The following KCNMB4 variants were observed in gnomAD, a reference collection of about 807,000 sequenced individuals.
The protein encoded by KCNMB4 is calcium-activated potassium channel subunit beta-4.
A neutral mutation model predicts 20.7 loss-of-function variants in KCNMB4; 3 were observed. That is an observed-to-expected ratio of 0.14 (90% CI 0.07 to 0.37). The LOEUF (loss-of-function observed/expected upper bound fraction) is 0.37, where lower values mean the gene tolerates loss of function less well. Among genes scored for constraint, KCNMB4 ranks in the 10% least tolerant of loss-of-function variants. The probability of loss-of-function intolerance (pLI) is 1.00; values close to 1 mark genes in which losing one functional copy is unlikely to be tolerated. For synonymous variants in KCNMB4, 110 were observed against 113.4 expected (o/e 0.97, Z 0.19); for missense variants, 168 against 265.9 (o/e 0.63, Z 2.56).
chr12:70,366,647 G>A lies in KCNMB4; in HGVS notation c.-88G>A. On this transcript the variant is annotated 5_prime_UTR_variant, in exon 1 of 3. Coordinates refer to ENST00000258111, the MANE Select transcript of KCNMB4 (RefSeq NM_014505.6). The stretch of plus-strand genomic sequence containing the variant: ...TCGCGCGGCGGCGGCGGTGGCGGCG[G>A]CGGCTCCTCCCGCCCGAGGCAGTCG... 1 of 1,021,836 alleles carries A rather than the reference G, an allele frequency of 9.8e-7. No individual in the cohort carries two copies. The highest frequency in any genetic ancestry group is 1.2e-6 in the Non-Finnish European group (1 of 804,932). The allele number at this position is 1,021,836 out of a possible 1,614,324, so 63.3% of individuals were successfully genotyped here.
In KCNMB4 at chr12:70,366,823, T is replaced by G; in HGVS notation, c.89T>G (p.Val30Gly). The G allele has an allele frequency of 6.2e-7, 1 of 1,612,938 alleles. No homozygotes were observed. The highest frequency in any genetic ancestry group is 1.7e-4 in the Middle Eastern group (1 of 6,060). Reference sequence around the variant, plus strand: ...TTGTTTCTCATCATCTCCGGCGTCGTGTCGCTCTTCATCTTCGGCTTCTGC... The same window carrying G: ...TTGTTTCTCATCATCTCCGGCGTCGGGTCGCTCTTCATCTTCGGCTTCTGC... ...LGLFLIISGV[V>G]SLFIFGFCWL... Residue 30 changes from valine (V) to glycine (G), a missense_variant, in exon 1 of 3, where the codon GTG (valine) becomes GGG (glycine). Val to Gly is a moderately radical substitution (Grantham distance 109). Transcript: ENST00000258111.
intron 1 of KCNMB4, among the ~76,000 whole-genome samples, chr12:70,396,886 G>T (rs1005125476): frequency 6.6e-6 from 1 of 152,118 alleles, no homozygotes; most frequent in African/African-American, 2.4e-5. Flanking sequence ...TTCCAGCACC[G>T]TGCTTTGGAC....
intron 1 of KCNMB4, among the ~76,000 whole-genome samples, chr12:70,383,244 A>G (rs1426877718): frequency 1.3e-5 from 2 of 152,202 alleles, no homozygotes; most frequent in African/African-American, 2.4e-5. Flanking sequence ...ACATCACGTT[A>G]TATACCTTAA....
chr12:70,407,490 T>C (rs1868639603), intron 2 of KCNMB4, among the ~76,000 whole-genome samples: 1 of 106,410 alleles, frequency 9.4e-6, no homozygotes, highest in African/African-American at 3.9e-5. Context: ...TTTTTTGAGA[T>C]GGAGTCTCAC....
chr12:70,412,084 GGAATCTGCA>G (rs1372161237), intron 2 of KCNMB4, among the ~76,000 whole-genome samples: 4 of 152,074 alleles, frequency 2.6e-5, no homozygotes, highest in Non-Finnish European at 5.9e-5. Flanking sequence ...TGAAGGAAGT[GGAATCTGCA>G]GATTTAGAGA....
chr12:70,375,729 T>C (rs1808433040), intron 1 of KCNMB4, among the ~76,000 whole-genome samples: 1 of 152,170 alleles, frequency 6.6e-6, no homozygotes, highest in African/African-American at 2.4e-5. Flanking sequence ...TAGTTCCGTG[T>C]TGGGGTTCAA....
At chr12:70,401,897 C>T (rs1446550261) in intron 2 of KCNMB4, among the ~76,000 whole-genome samples, 1 of 152,082 alleles carries the variant, frequency 6.6e-6, no homozygotes, top group Non-Finnish European at 1.5e-5. Context: ...TGAATAATAT[C>T]ACTTCTGACA....
chr12:70,374,000 A>G (rs1237039729), intron 1 of KCNMB4, among the ~76,000 whole-genome samples: 1 of 152,128 alleles, frequency 6.6e-6, no homozygotes, highest in Non-Finnish European at 1.5e-5. Flanking sequence ...TCTAAAACAA[A>G]AGCAATCTAA....
At chr12:70,371,359 G>A (rs867159134) in intron 1 of KCNMB4, among the ~76,000 whole-genome samples, 3 of 152,160 alleles carry the variant, frequency 2.0e-5, no homozygotes, top group African/African-American at 7.2e-5. Context: ...ACTACAGGGC[G>A]TGGTGGCTCA....
chr12:70,385,310 G>C (rs1426754323), intron 1 of KCNMB4, among the ~76,000 whole-genome samples: 1 of 152,194 alleles, frequency 6.6e-6, no homozygotes, highest in African/African-American at 2.4e-5. Flanking sequence ...ACATCACACA[G>C]TGTTGTGGTG....
chr12:70,400,362 T>A, intron 2 of KCNMB4, 26 bp downstream of exon 2: 3 of 1,592,864 alleles, frequency 1.9e-6, no homozygotes, highest in Non-Finnish European at 2.6e-6. Context: ...CATGTGCGTG[T>A]TAAAATTGTT....
chr12:70,393,247 G>T (rs537760377), intron 1 of KCNMB4, among the ~76,000 whole-genome samples: 5 of 152,088 alleles, frequency 3.3e-5, no homozygotes, highest in Non-Finnish European at 7.4e-5. Flanking sequence ...CTGTCGCCCA[G>T]ACTGGAGTGC....
At chr12:70,376,814 G>A (rs1883695439) in intron 1 of KCNMB4, among the ~76,000 whole-genome samples, 1 of 151,114 alleles carries the variant, frequency 6.6e-6, no homozygotes, top group African/African-American at 2.4e-5. Context: ...TAAGGCTGCA[G>A]TGAGCTGTGA....
intron 2 of KCNMB4, among the ~76,000 whole-genome samples, chr12:70,414,364 A>C (rs1868861904): frequency 6.6e-6 from 1 of 152,218 alleles, no homozygotes; most frequent in Non-Finnish European, 1.5e-5. Context: ...CTATAATCTC[A>C]GTGTGGAGGT....
At chr12:70,418,611 C>T (rs562341484) in intron 2 of KCNMB4, among the ~76,000 whole-genome samples, 20 of 152,172 alleles carry the variant, frequency 1.3e-4, no homozygotes, top group African/African-American at 3.9e-4. Context: ...AACTTTGCTC[C>T]GTGATTAATC....
intron 2 of KCNMB4, among the ~76,000 whole-genome samples, chr12:70,404,639 C>A (rs1868546009): frequency 6.6e-6 from 1 of 152,112 alleles, no homozygotes; most frequent in African/African-American, 2.4e-5. Flanking sequence ...AAAGTAGCAA[C>A]AAGGATTATA....
chr12:70,429,388 C>T (rs1366221356), intron 2 of KCNMB4, among the ~76,000 whole-genome samples: 1 of 152,062 alleles, frequency 6.6e-6, no homozygotes, highest in African/African-American at 2.4e-5. Flanking sequence ...AAATTCCGGC[C>T]GGGTGCGGTG....
At chr12:70,404,200 A>G (rs1477991974) in intron 2 of KCNMB4, among the ~76,000 whole-genome samples, 3 of 152,204 alleles carry the variant, frequency 2.0e-5, no homozygotes, top group Non-Finnish European at 4.4e-5. Flanking sequence ...TTAGTGTCAA[A>G]CTAAAGAGAT....
intron 2 of KCNMB4, among the ~76,000 whole-genome samples, chr12:70,407,894 A>C (rs1200887410): frequency 6.6e-6 from 1 of 152,074 alleles, no homozygotes; most frequent in South Asian, 2.1e-4. Flanking sequence ...CTATGAAAAA[A>C]CGAAGATTCT....
Sources: gnomAD v4.1 joint callset for allele counts (sites outside exome capture counted in the v4.1 genomes callset) on GRCh38, gnomAD v4.1.1 for gene constraint, MANE v1.5 for transcripts, NCBI Gene and HGNC (gene_info 2026-07-23, HGNC 2026-07-21) for gene names.